GNAQ: variants seen among roughly 807,000 people sequenced by gnomAD.
GNAQ encodes the protein guanine nucleotide-binding protein G(q) subunit alpha.
In GNAQ, 8 loss-of-function variants were observed where a neutral mutation model predicts 43.9. That is an observed-to-expected ratio of 0.18 (90% CI 0.11 to 0.33). GNAQ has a LOEUF of 0.33. GNAQ is among the 10% of genes least tolerant of loss of function. The pLI, the probability that GNAQ is intolerant of heterozygous loss-of-function variation, is 1.00. For synonymous variants in GNAQ, 155 were observed against 170.7 expected (o/e 0.91, Z 0.71); for missense variants, 158 against 450.8 (o/e 0.35, Z 5.88).
chr9:77,754,025 G>T (rs557600606), intron 5 of GNAQ, among the ~76,000 whole-genome samples: 11 of 152,250 alleles, frequency 7.2e-5, no homozygotes, highest in African/African-American at 2.4e-4. Context: ...TTGATGATGG[G>T]ACTGTTGAAA....
intron 3 of GNAQ, among the ~76,000 whole-genome samples, chr9:77,805,235 T>C (rs1310841770): frequency 6.6e-6 from 1 of 152,130 alleles, no homozygotes; most frequent in Non-Finnish European, 1.5e-5. Flanking sequence ...CTGGTTAGGA[T>C]GGTTAGTGGC....
rs896800660 is a variant in GNAQ at position 77,859,368 on chromosome 9, T to C, written c.322-43598A>G. ...GTTTTGCTTTAACTACAGAAGGAGA[T>C]AGATGTGAAATAATGATAAATTTAA... On this transcript the variant is annotated intron_variant, in intron 2 of 6. Transcript: ENST00000286548. Among the ~76,000 whole-genome samples the C allele has an allele frequency of 7.2e-5, 11 of 152,322 alleles. 1 individual carries two copies. Among genetic ancestry groups the C allele is most frequent in the Admixed American group, 5.9e-4 (9 of 15,300 alleles).
rs114356240 is a variant in GNAQ at position 77,730,820 on chromosome 9, C to G, written c.736-2153G>C. Among the ~76,000 whole-genome samples, 658 of 152,106 alleles carry G rather than the reference C, an allele frequency of 4.3e-3. 6 individuals carry two copies. The highest frequency in any genetic ancestry group is 0.014 in the African/African-American group (600 of 41,468). Reference sequence around the variant, plus strand: ...TGGAAATAACACTGAGAAATGATATCTTGTAGCTTGAGATTTTATAGGCTG... The same window carrying G: ...TGGAAATAACACTGAGAAATGATATGTTGTAGCTTGAGATTTTATAGGCTG... On this transcript the variant is annotated intron_variant, in intron 5 of 6. Coordinates refer to ENST00000286548, the MANE Select transcript of GNAQ (RefSeq NM_002072.5).
intron 2 of GNAQ, among the ~76,000 whole-genome samples, chr9:77,838,433 C>T (rs997217968): frequency 1.3e-4 from 19 of 151,778 alleles, no homozygotes; most frequent in African/African-American, 2.9e-4. Flanking sequence ...TGAGCCACCA[C>T]GCCCAGCCAA....
chr9:78,009,656 C>T (rs1823750017), intron 1 of GNAQ, among the ~76,000 whole-genome samples: 1 of 152,148 alleles, frequency 6.6e-6, no homozygotes, highest in African/African-American at 2.4e-5. Context: ...CCTGATCTAA[C>T]TACAAATCTT....
At chr9:77,991,330 G>A (rs1223152999) in intron 1 of GNAQ, among the ~76,000 whole-genome samples, 6 of 152,120 alleles carry the variant, frequency 3.9e-5, no homozygotes, top group Admixed American at 3.9e-4. Context: ...TTAGCATACA[G>A]AATGTATTTA....
At chr9:77,992,300 T>C (rs1262052226) in intron 1 of GNAQ, among the ~76,000 whole-genome samples, 1 of 152,228 alleles carries the variant, frequency 6.6e-6, no homozygotes, top group Non-Finnish European at 1.5e-5. Flanking sequence ...ACTACCTTAA[T>C]TTCCGTAACA....
At chr9:77,784,430 G>T (rs1223473124) in intron 5 of GNAQ, among the ~76,000 whole-genome samples, 1 of 152,056 alleles carries the variant, frequency 6.6e-6, no homozygotes, top group Non-Finnish European at 1.5e-5. Flanking sequence ...TTTTATGTCC[G>T]TGGTTAGGTA....
At chr9:77,775,728 T>C (rs1402582899) in intron 5 of GNAQ, among the ~76,000 whole-genome samples, 1 of 152,172 alleles carries the variant, frequency 6.6e-6, no homozygotes, top group Non-Finnish European at 1.5e-5. Context: ...TTTGCCATTC[T>C]AGCAAGTAAA....
At chr9:77,862,652 G>C (rs1827873712) in intron 2 of GNAQ, among the ~76,000 whole-genome samples, 1 of 152,182 alleles carries the variant, frequency 6.6e-6, no homozygotes, top group Non-Finnish European at 1.5e-5. Context: ...GTGCTGAAAA[G>C]GTCTCTGACA....
chr9:77,922,444 T>TG (rs1829013064), intron 1 of GNAQ, 99 bp from the exon 2 acceptor site: 1 of 817,672 alleles, frequency 1.2e-6, no homozygotes, highest in African/African-American at 1.7e-5. Flanking sequence ...CATCCCCAGA[T>TG]AGCCTGCTGA....
intron 3 of GNAQ, among the ~76,000 whole-genome samples, chr9:77,812,213 T>C (rs1469131087): frequency 1.3e-5 from 2 of 152,178 alleles, no homozygotes; most frequent in Non-Finnish European, 2.9e-5. Context: ...AATTATCAGT[T>C]GGAAATAAAA....
intron 2 of GNAQ, among the ~76,000 whole-genome samples, chr9:77,913,561 A>G (rs1350441714): frequency 6.6e-6 from 1 of 152,210 alleles, no homozygotes; most frequent in Non-Finnish European, 1.5e-5. Context: ...CTGCTATTAC[A>G]TAGCAATGAG....
rs1467706097 is a variant in GNAQ at position 77,933,453 on chromosome 9, A to G, written c.137-11108T>C. Among the ~76,000 whole-genome samples, 5 of 152,018 alleles carry G rather than the reference A, an allele frequency of 3.3e-5. No individual in the cohort carries two copies. In the East Asian group the frequency reaches 9.6e-4, roughly 29 times the overall value. Reference sequence around the variant, plus strand: ...GGTCAAGGTGGGTGAATTGCTTGAGACCAGCCCATGTTGAAACCCCATCTC... The same window carrying G: ...GGTCAAGGTGGGTGAATTGCTTGAGGCCAGCCCATGTTGAAACCCCATCTC... On this transcript the variant is annotated intron_variant, in intron 1 of 6. Transcript: ENST00000286548.
At chr9:77,874,404 C>T (rs1456445342) in intron 2 of GNAQ, among the ~76,000 whole-genome samples, 1 of 152,200 alleles carries the variant, frequency 6.6e-6, no homozygotes, top group Admixed American at 6.5e-5. Flanking sequence ...CCTCATATCT[C>T]CCATCCCATC....
chr9:78,029,335 C>G (rs187192426), intron 1 of GNAQ, among the ~76,000 whole-genome samples: 143 of 151,650 alleles, frequency 9.4e-4, no homozygotes, highest in African/African-American at 3.4e-3. Flanking sequence ...CTCTAAAATA[C>G]GTGCGTTTCC....
intron 1 of GNAQ, among the ~76,000 whole-genome samples, chr9:78,022,163 G>C (rs1823919187): frequency 6.6e-6 from 1 of 152,148 alleles, no homozygotes; most frequent in African/African-American, 2.4e-5. Flanking sequence ...CAACCCGAAG[G>C]AGCCCACCAG....
At chr9:77,915,699 T>C (rs1828890454) in intron 2 of GNAQ, among the ~76,000 whole-genome samples, 2 of 152,142 alleles carry the variant, frequency 1.3e-5, no homozygotes, top group Non-Finnish European at 2.9e-5. Flanking sequence ...ATTCAATCCT[T>C]AGAGTCAAAT....
intron 1 of GNAQ, among the ~76,000 whole-genome samples, chr9:77,959,895 G>A (rs1252656882): frequency 6.6e-6 from 1 of 152,154 alleles, no homozygotes; most frequent in Non-Finnish European, 1.5e-5. Context: ...AATCCTCCAT[G>A]TTCCACCCAT....
Sources: gnomAD v4.1 joint callset for allele counts (sites outside exome capture counted in the v4.1 genomes callset) on GRCh38, gnomAD v4.1.1 for gene constraint, MANE v1.5 for transcripts, NCBI Gene and HGNC (gene_info 2026-07-23, HGNC 2026-07-21) for gene names.